DCAF12: variants seen among roughly 807,000 people sequenced by gnomAD.
The protein encoded by DCAF12 is DDB1 and CUL4 associated factor 12.
In DCAF12, 28 loss-of-function variants were observed where a neutral mutation model predicts 52.8. The observed-to-expected ratio is 0.53, with a 90% CI of 0.39 to 0.73. The LOEUF (loss-of-function observed/expected upper bound fraction) is 0.73. DCAF12 is among the 30% of genes least tolerant of loss of function. DCAF12 has a pLI of 0.00. For missense variants in DCAF12, 425 were observed against 552.2 expected (o/e 0.77, Z 2.31); for synonymous variants, 196 against 215.5 (o/e 0.91, Z 0.79).
At chr9:34,091,813 C>CGAGAAATGGGATAAAGT (rs1335948740) in intron 7 of DCAF12, among the ~76,000 whole-genome samples, 4 of 151,910 alleles carry the variant, frequency 2.6e-5, no homozygotes, top group Non-Finnish European at 4.4e-5. Flanking sequence ...TGGGATAAAG[C>CGAGAAATGGGATAAAGT]GAGAAATGGG....
intron 6 of DCAF12, among the ~76,000 whole-genome samples, chr9:34,094,635 A>G (rs1828704220): frequency 6.8e-6 from 1 of 147,000 alleles, no homozygotes; most frequent in Non-Finnish European, 1.5e-5. Context: ...GGTTCACACC[A>G]TTCTCCTGCC....
In DCAF12 at chr9:34,088,228, G is replaced by A; in HGVS notation, c.*122C>T. Reference sequence around the variant, plus strand: ...TTCCTATTAAGTGCCTAAACTATAGGCAAACTTTGGTGTTCCCACTAAAAC... The same window carrying A: ...TTCCTATTAAGTGCCTAAACTATAGACAAACTTTGGTGTTCCCACTAAAAC... On this transcript the variant is annotated 3_prime_UTR_variant, in exon 9 of 9. Transcript: ENST00000361264. 8.8e-7 allele frequency: 1 copy of A among 1,138,396 alleles called. No homozygotes were observed. Among genetic ancestry groups the A allele is most frequent in the Non-Finnish European group, 1.2e-6 (1 of 824,798 alleles). 70.5% of individuals were successfully genotyped at this position (1,138,396 alleles called of 1,614,324 possible). A position where few individuals can be genotyped will look rare whatever the true frequency, so the allele number is the denominator to read the frequency against.
At chr9:34,092,113 G>A (rs1828654172) in intron 7 of DCAF12, among the ~76,000 whole-genome samples, 2 of 152,196 alleles carry the variant, frequency 1.3e-5, no homozygotes, top group Admixed American at 6.5e-5. Context: ...TGAGGTGGAA[G>A]CTTAATTTAC....
Position 34,105,481 on chromosome 9 carries a change from T to C in DCAF12, c.601+953A>G, listed in dbSNP as rs574920287. Among the ~76,000 whole-genome samples the C allele has an allele frequency of 1.8e-3, 270 of 152,042 alleles. 1 individual carries two copies. The highest frequency in any genetic ancestry group is 6.3e-3 in the African/African-American group (260 of 41,500). On this transcript the variant is annotated intron_variant, in intron 4 of 8. Coordinates refer to ENST00000361264, the MANE Select transcript of DCAF12 (RefSeq NM_015397.4). Reference sequence around the variant, plus strand: ...GACTAGCAAGTTATATTTTAAAATGTCAACAGTCGTTATTACTAGCTGGGT... The same window carrying C: ...GACTAGCAAGTTATATTTTAAAATGCCAACAGTCGTTATTACTAGCTGGGT...
rs1346834513 is a variant in DCAF12, at chr9:34,126,491, G to A, written c.-60C>T. On this transcript the variant is annotated 5_prime_UTR_variant, in exon 1 of 9. Transcript: ENST00000361264. Reference sequence around the variant, plus strand: ...GGGGCGGGGGAAGCGAAGGATAGCAGGACGGCGGGTCATATACTGGGCCCC... The same window carrying A: ...GGGGCGGGGGAAGCGAAGGATAGCAAGACGGCGGGTCATATACTGGGCCCC... 6.4e-7 allele frequency: 1 copy of A among 1,565,098 alleles called. No individual in the cohort carries two copies. The highest frequency in any genetic ancestry group is 1.1e-5 in the South Asian group (1 of 87,374).
chr9:34,125,024 G>T lies in DCAF12; in HGVS notation c.332C>A (p.Thr111Lys). The stretch of plus-strand genomic sequence containing the variant: ...GGTCACATCCCCCCAGGCACTTACC[G>T]TGTTGCATTTTGTGCCACACACCAC... ...RQVVCGTKCN[T>K]LFVVDVQTSQ... Residue 111 changes from threonine to lysine, a missense_variant and splice_region_variant, in exon 2 of 9, where the codon ACG becomes AAG. Physicochemically the swap from Thr to Lys is moderately conservative, Grantham distance 78 (BLOSUM62 -1). This residue lies in a region of DCAF12 where 328 missense variants were observed against 444.4 expected (regional missense o/e 0.74). Transcript: ENST00000361264. 2 of 1,612,850 alleles carry T rather than the reference G, an allele frequency of 1.2e-6. No homozygotes were observed. Among genetic ancestry groups the T allele is most frequent in the Non-Finnish European group, 8.5e-7 (1 of 1,180,002 alleles).
intron 2 of DCAF12, among the ~76,000 whole-genome samples, chr9:34,112,759 G>A (rs1206056630): frequency 1.3e-5 from 2 of 151,886 alleles, no homozygotes; most frequent in African/African-American, 2.4e-5. Flanking sequence ...TTAGCCGGGT[G>A]TGGTGGCACA....
At chr9:34,102,297 A>G (rs942324531) in intron 4 of DCAF12, among the ~76,000 whole-genome samples, 10 of 152,068 alleles carry the variant, frequency 6.6e-5, no homozygotes, top group African/African-American at 2.4e-4. Flanking sequence ...AAAAAAAAGA[A>G]TAATGACTGT....
chr9:34,099,946 G>A (rs1459384709), intron 4 of DCAF12, among the ~76,000 whole-genome samples: 2 of 152,142 alleles, frequency 1.3e-5, no homozygotes, highest in African/African-American at 4.8e-5. Flanking sequence ...TGCATCCACA[G>A]CTGACTTTTA....
chr9:34,125,670 G>A (rs1435419452), intron 1 of DCAF12: 2 of 460,806 alleles, frequency 4.3e-6, no homozygotes, highest in Non-Finnish European at 4.5e-6. Flanking sequence ...CTGGAGCACG[G>A]AAGATACAGT....
intron 2 of DCAF12, among the ~76,000 whole-genome samples, chr9:34,117,791 G>C (rs1216114082): frequency 6.6e-6 from 1 of 152,078 alleles, no homozygotes; most frequent in Non-Finnish European, 1.5e-5. Flanking sequence ...GCGCATGCCT[G>C]TAATTCCAGC....
intron 4 of DCAF12, among the ~76,000 whole-genome samples, chr9:34,102,424 A>G (rs1386776446): frequency 6.6e-6 from 1 of 152,196 alleles, no homozygotes; most frequent in Non-Finnish European, 1.5e-5. Context: ...GAACTTTGGG[A>G]GGCTGAGGCA....
At chr9:34,097,066 G>C (rs1828746878) in intron 5 of DCAF12, among the ~76,000 whole-genome samples, 1 of 152,036 alleles carries the variant, frequency 6.6e-6, no homozygotes, top group Admixed American at 6.6e-5. Context: ...GGGCACATAT[G>C]TGAAGGACAG....
At chr9:34,118,294 C>T (rs1414787257) in intron 2 of DCAF12, among the ~76,000 whole-genome samples, 1 of 152,046 alleles carries the variant, frequency 6.6e-6, no homozygotes. Flanking sequence ...GCATCATGCC[C>T]GGCTAATTTT....
At chr9:34,112,916 TAAAC>T (rs1025244660) in intron 2 of DCAF12, among the ~76,000 whole-genome samples, 71 of 152,186 alleles carry the variant, frequency 4.7e-4, no homozygotes, top group African/African-American at 1.7e-3. Flanking sequence ...AAACTAATAA[TAAAC>T]AAATGATCCC....
At position 34,088,287 on chromosome 9, in the gene DCAF12, C is replaced by G. The variant is rs1828590932; in HGVS notation, c.*63G>C. The G allele has an allele frequency of 6.8e-7, 1 of 1,478,130 alleles. No individual in the cohort carries two copies. The allele number at this position is 1,478,130 out of a possible 1,614,324, so 91.6% of individuals were successfully genotyped here. On this transcript the variant is annotated 3_prime_UTR_variant, in exon 9 of 9. Coordinates refer to ENST00000361264, the MANE Select transcript of DCAF12 (RefSeq NM_015397.4). ...CTCACACAATTAGGAAAAAAAAAAT[C>G]AAAAGAAACAAGGAAACTGAGAATG...
chr9:34,099,034 T>A (rs1439708028), intron 4 of DCAF12, among the ~76,000 whole-genome samples: 1 of 150,128 alleles, frequency 6.7e-6, no homozygotes, highest in Non-Finnish European at 1.5e-5. Context: ...CCTCCCAAAG[T>A]GCTAGGATTA....
chr9:34,116,650 C>G (rs1461785070), intron 2 of DCAF12, among the ~76,000 whole-genome samples: 2 of 151,464 alleles, frequency 1.3e-5, no homozygotes, highest in Non-Finnish European at 2.9e-5. Flanking sequence ...GCCTGGGCAA[C>G]AGGGCAAGGT....
At chr9:34,094,504 A>T (rs1828701304) in intron 6 of DCAF12, among the ~76,000 whole-genome samples, 1 of 151,954 alleles carries the variant, frequency 6.6e-6, no homozygotes, top group Non-Finnish European at 1.5e-5. Flanking sequence ...TGTGACTACA[A>T]ATGTTTTGAA....
Sources: allele counts gnomAD v4.1 joint callset (sites outside exome capture counted in the v4.1 genomes callset), GRCh38; gene constraint gnomAD v4.1.1; regional missense constraint gnomAD v4.1.1; transcripts MANE v1.5; gene names NCBI Gene and HGNC (gene_info 2026-07-23, HGNC 2026-07-21).